The following KYNU variants were observed in gnomAD, a reference collection of about 807,000 sequenced individuals.
KYNU encodes the protein kynureninase.
In KYNU, 54 loss-of-function variants were observed where a neutral mutation model predicts 59.2. The ratio of observed to expected loss-of-function variants is 0.91; its 90% CI spans 0.73 to 1.14. The LOEUF (loss-of-function observed/expected upper bound fraction) is 1.14. Ranked by LOEUF, KYNU falls within the 50% of genes most tolerant of loss-of-function variation. The probability of loss-of-function intolerance (pLI) is 0.00; values close to 1 mark genes in which losing one functional copy is unlikely to be tolerated. For missense variants in KYNU, 567 were observed against 554.4 expected, an observed-to-expected ratio of 1.02 and a Z score of -0.23; for synonymous variants, 177 against 192.0, an observed-to-expected ratio of 0.92 and a Z score of 0.65.
chr2:143,035,982 C>A (rs1686883483), intron 12 of KYNU, among the ~76,000 whole-genome samples: 1 of 151,796 alleles, frequency 6.6e-6, no homozygotes, highest in Non-Finnish European at 1.5e-5. Flanking sequence ...CCATGTTGCC[C>A]AGGCTGATCT....
At chr2:142,939,602 C>CAAAAAAAAAAAAAAAAAAAAAAA (rs71301737) in intron 4 of KYNU, among the ~76,000 whole-genome samples, 4 of 65,106 alleles carry the variant, frequency 6.1e-5, no homozygotes, top group South Asian at 6.0e-4. Flanking sequence ...CTCCATCTCA[C>CAAAAAAAAAAAAAAAAAAAAAAA]AAAAAAAAAA....
chr2:142,943,542 A>G (rs1301175400), intron 4 of KYNU, among the ~76,000 whole-genome samples: 2 of 152,204 alleles, frequency 1.3e-5, no homozygotes, highest in Non-Finnish European at 2.9e-5. Context: ...ACTTTCCCTT[A>G]TAATTAATGT....
chr2:142,944,467 A>G (rs541537557), intron 4 of KYNU, among the ~76,000 whole-genome samples: 2 of 152,216 alleles, frequency 1.3e-5, no homozygotes, highest in Non-Finnish European at 2.9e-5. Context: ...CTCAGAAGTG[A>G]TTTAAATCTT....
At chr2:142,971,304 C>A (rs1684714146) in intron 8 of KYNU, 2 of 129,708 alleles carry the variant, frequency 1.5e-5, no homozygotes, top group South Asian at 6.5e-4. Flanking sequence ...AATACCACAA[C>A]ATTATGTGTG....
At chr2:142,887,309 G>C (rs547513998) in intron 2 of KYNU, among the ~76,000 whole-genome samples, 1 of 152,236 alleles carries the variant, frequency 6.6e-6, no homozygotes, top group Admixed American at 6.5e-5. Context: ...ATAAATATTG[G>C]CTAGGATATA....
intron 8 of KYNU, among the ~76,000 whole-genome samples, chr2:142,967,113 T>A (rs1261601909): frequency 1.3e-5 from 2 of 152,164 alleles, no homozygotes; most frequent in African/African-American, 4.8e-5. Flanking sequence ...CACAAACTCT[T>A]TGTACTCCTC....
chr2:142,898,125 C>G (rs1487140822), intron 2 of KYNU, among the ~76,000 whole-genome samples: 1 of 152,172 alleles, frequency 6.6e-6, no homozygotes, highest in Non-Finnish European at 1.5e-5. Context: ...AGTGATCTGC[C>G]CACCTTGGCC....
At chr2:143,037,049 T>C (rs1686911332) in intron 12 of KYNU, among the ~76,000 whole-genome samples, 1 of 152,216 alleles carries the variant, frequency 6.6e-6, no homozygotes, top group Non-Finnish European at 1.5e-5. Context: ...GTGTATATGG[T>C]TGATTGATAT....
chr2:142,985,733 T>C (rs550454934), intron 9 of KYNU, among the ~76,000 whole-genome samples: 1 of 152,050 alleles, frequency 6.6e-6, no homozygotes, highest in South Asian at 2.1e-4. Flanking sequence ...GTAAAAGTAA[T>C]AGCCATTTAT....
At chr2:142,931,594 T>C (rs1049069195) in intron 4 of KYNU, among the ~76,000 whole-genome samples, 1 of 152,136 alleles carries the variant, frequency 6.6e-6, no homozygotes, top group Admixed American at 6.5e-5. Context: ...GGCCCTAAGA[T>C]AAAAGTTCGG....
intron 1 of KYNU, among the ~76,000 whole-genome samples, chr2:142,878,518 T>G (rs1019697809): frequency 7.9e-5 from 12 of 152,204 alleles, no homozygotes; most frequent in Non-Finnish European, 7.4e-5. Context: ...AACATATTTT[T>G]AAGTCAGGTT....
rs773026391 is a variant in KYNU, at chr2:143,040,594, T to C, written c.1208T>C (p.Leu403Pro). The C allele has an allele frequency of 2.6e-5, 42 of 1,612,302 alleles. No homozygotes were observed. Among genetic ancestry groups the C allele is most frequent in the Non-Finnish European group, 3.4e-5 (40 of 1,179,012 alleles). Residue 403 changes from leucine to proline, a missense_variant, in exon 13 of 14, where the codon CTA becomes CCA. Leu to Pro is a moderately conservative substitution (Grantham distance 98, BLOSUM62 -3). Coordinates refer to ENST00000264170, the MANE Select transcript of KYNU (RefSeq NM_003937.3). ...PSHVEERGCQ[L>P]TITFSVPNKD... The stretch of plus-strand genomic sequence containing the variant: ...CATGTAGAGGAGCGGGGGTGCCAGC[T>C]AACAATAACATTTTCTGTTCCAAAC...
intron 10 of KYNU, among the ~76,000 whole-genome samples, chr2:142,996,752 A>G (rs1188994188): frequency 6.6e-6 from 1 of 152,280 alleles, no homozygotes; most frequent in African/African-American, 2.4e-5. Flanking sequence ...TTAAAGACAA[A>G]GGGGAGCCAC....
intron 3 of KYNU, among the ~76,000 whole-genome samples, chr2:142,921,952 T>C (rs1682899468): frequency 6.6e-6 from 1 of 152,198 alleles, no homozygotes; most frequent in Non-Finnish European, 1.5e-5. Context: ...AAACCCTGCA[T>C]GTGTTCAGTT....
At chr2:142,934,860 G>A (rs896346537) in intron 4 of KYNU, among the ~76,000 whole-genome samples, 7 of 152,152 alleles carry the variant, frequency 4.6e-5, no homozygotes, top group Non-Finnish European at 2.9e-5. Flanking sequence ...GGGGTCCTCC[G>A]CAAAGGGGGC....
chr2:142,957,584 C>A, intron 6 of KYNU, 57 bp from the exon 7 acceptor site: 3 of 1,040,942 alleles, frequency 2.9e-6, no homozygotes, highest in Non-Finnish European at 3.0e-6. Flanking sequence ...TTTGTTATTT[C>A]AATGTACTTC....
chr2:142,907,096 TG>T (rs1682322885), intron 2 of KYNU, among the ~76,000 whole-genome samples: 1 of 152,206 alleles, frequency 6.6e-6, no homozygotes, highest in Non-Finnish European at 1.5e-5. Context: ...CTCACTGCTT[TG>T]GAGAATCCCC....
At position 143,051,229 on chromosome 2, in the gene KYNU, T is replaced by C. The variant is rs959386240; in HGVS notation, c.*9057T>C. ...CTTGAGTCCTTTTGACATGACCCTA[T>C]CTATTTTTGATAACTTCATAGCCTT... On this transcript the variant is annotated 3_prime_UTR_variant, in exon 14 of 14. Coordinates refer to ENST00000264170, the MANE Select transcript of KYNU (RefSeq NM_003937.3). 3 of 152,162 alleles carry C rather than the reference T, an allele frequency of 2.0e-5. No homozygotes were observed. Among genetic ancestry groups the C allele is most frequent in the Non-Finnish European group, 4.4e-5 (3 of 68,018 alleles). The allele number at this position is 152,162 out of a possible 1,614,324, so 9.4% of individuals were successfully genotyped here.
At chr2:142,931,726 G>A (rs113490883) in intron 4 of KYNU, among the ~76,000 whole-genome samples, 1,938 of 152,272 alleles carry the variant, frequency 0.013, 49 homozygotes, top group African/African-American at 0.044. Flanking sequence ...AGCTTCGTGA[G>A]TTGCGCTTTA....
Sources: allele counts gnomAD v4.1 joint callset (sites outside exome capture counted in the v4.1 genomes callset), GRCh38; gene constraint gnomAD v4.1.1; transcripts MANE v1.5; gene names NCBI Gene and HGNC (gene_info 2026-07-23, HGNC 2026-07-21).